KIAA0319: variants seen among roughly 807,000 people sequenced by gnomAD.
KIAA0319 encodes dyslexia-associated protein KIAA0319.
A neutral mutation model predicts 108.4 loss-of-function variants in KIAA0319; 83 were observed. The ratio of observed to expected loss-of-function variants is 0.77; its 90% CI spans 0.64 to 0.92. The LOEUF is 0.92. KIAA0319 is among the 40% of genes least tolerant of loss of function. The probability of loss-of-function intolerance (pLI) is 0.00; values close to 1 mark genes in which losing one functional copy is unlikely to be tolerated. For synonymous variants in KIAA0319, 484 were observed against 510.4 expected, an observed-to-expected ratio of 0.95 and a Z score of 0.70; for missense variants, 1,195 against 1,322.4, an observed-to-expected ratio of 0.90 and a Z score of 1.49.
chr6:24,548,225 C>T (rs961008360), intron 20 of KIAA0319, among the ~76,000 whole-genome samples: 7 of 152,094 alleles, frequency 4.6e-5, no homozygotes, highest in Non-Finnish European at 7.4e-5. Context: ...AAACCAGGCT[C>T]TTGTCACACT....
At chr6:24,583,930 C>CA (rs1156335692) in intron 4 of KIAA0319, among the ~76,000 whole-genome samples, 1 of 152,102 alleles carries the variant, frequency 6.6e-6, no homozygotes, top group African/African-American at 2.4e-5. Flanking sequence ...GGCACTGTGA[C>CA]AAAAATAATG....
chr6:24,579,468 T>TATATATCTTATATATCTC (rs1371096768), intron 8 of KIAA0319, among the ~76,000 whole-genome samples: 1 of 146,280 alleles, frequency 6.8e-6, no homozygotes, highest in East Asian at 2.0e-4. Context: ...ATATCTCATA[T>TATATATCTTATATATCTC]ATATATCTTA....
intron 16 of KIAA0319, among the ~76,000 whole-genome samples, chr6:24,561,550 C>T (rs1188007689): frequency 1.3e-5 from 2 of 152,018 alleles, no homozygotes; most frequent in Admixed American, 1.3e-4. Flanking sequence ...ATAATCCTCC[C>T]CCACCCACAT....
At chr6:24,587,562 G>A (rs536062964) in intron 4 of KIAA0319, among the ~76,000 whole-genome samples, 6 of 152,008 alleles carry the variant, frequency 3.9e-5, no homozygotes, top group South Asian at 2.1e-4. Flanking sequence ...TTACAGGCGT[G>A]AGCCACCGTG....
chr6:24,582,626 C>T (rs865867004), intron 5 of KIAA0319, among the ~76,000 whole-genome samples: 1 of 147,196 alleles, frequency 6.8e-6, no homozygotes, highest in African/African-American at 2.5e-5. Flanking sequence ...TAAAAACATA[C>T]GTCTTACAGG....
intron 1 of KIAA0319, among the ~76,000 whole-genome samples, chr6:24,604,871 G>A (rs186752635): frequency 1.5e-3 from 226 of 152,028 alleles, no homozygotes; most frequent in Non-Finnish European, 2.3e-3. Context: ...ACAGAGTTTC[G>A]CTCTTGTCAC....
chr6:24,568,835 T>C lies in KIAA0319; in HGVS notation c.2086A>G (p.Lys696Glu). 1 of 1,614,206 alleles carries C rather than the reference T, an allele frequency of 6.2e-7. No homozygotes were observed. The highest frequency in any genetic ancestry group is 8.5e-7 in the Non-Finnish European group (1 of 1,180,028). The change falls in exon 13 of 21, where the codon AAA (lysine) becomes GAA (glutamate). Residue 696 changes from lysine to glutamate, a missense_variant. By Grantham distance (56) the Lys-to-Glu change is moderately conservative. Coordinates refer to ENST00000378214, the MANE Select transcript of KIAA0319 (RefSeq NM_014809.4). The part of the protein sequence containing the change: ...VGTYHFRLTV[K>E]DQQGLSSTST... ...GTGCTGCTCAGTCCCTGCTGGTCTT[T>C]CACTGTCAAACGGAAGTGGTAGGTC...
intron 1 of KIAA0319, among the ~76,000 whole-genome samples, chr6:24,607,131 G>A (rs1032760074): frequency 6.6e-6 from 1 of 152,236 alleles, no homozygotes; most frequent in African/African-American, 2.4e-5. Context: ...CGAGGCAGGT[G>A]GATCACCTGA....
At chr6:24,612,292 A>C (rs1772447186) in intron 1 of KIAA0319, among the ~76,000 whole-genome samples, 1 of 151,882 alleles carries the variant, frequency 6.6e-6, no homozygotes, top group African/African-American at 2.4e-5. Flanking sequence ...TCTCCACAAA[A>C]AATAAAAGAA....
At chr6:24,574,924 T>C (rs1187159765) in intron 10 of KIAA0319, among the ~76,000 whole-genome samples, 2 of 152,246 alleles carry the variant, frequency 1.3e-5, no homozygotes, top group Non-Finnish European at 2.9e-5. Context: ...AGAATGCTTC[T>C]GCACACAATG....
At chr6:24,573,885 G>A (rs1190991295) in intron 10 of KIAA0319, among the ~76,000 whole-genome samples, 3 of 152,048 alleles carry the variant, frequency 2.0e-5, no homozygotes, top group African/African-American at 4.8e-5. Flanking sequence ...GGGAGGCTAC[G>A]GCGGGTGGAT....
chr6:24,595,668 T>C (rs1168496091), intron 3 of KIAA0319, among the ~76,000 whole-genome samples: 1 of 150,624 alleles, frequency 6.6e-6, no homozygotes, highest in Non-Finnish European at 1.5e-5. Flanking sequence ...CATGGAGGCA[T>C]AGCAAAGGAA....
chr6:24,587,224 GC>G (rs1274615950), intron 4 of KIAA0319, among the ~76,000 whole-genome samples: 1 of 151,772 alleles, frequency 6.6e-6, no homozygotes, highest in East Asian at 1.9e-4. Context: ...ATTCACCATA[GC>G]CTTTTCATGG....
chr6:24,644,252 G>C (rs1777326922), intron 1 of KIAA0319, among the ~76,000 whole-genome samples: 1 of 152,082 alleles, frequency 6.6e-6, no homozygotes, highest in African/African-American at 2.4e-5. Flanking sequence ...GGAGAGGGGG[G>C]GGTTCCCACT....
intron 19 of KIAA0319, among the ~76,000 whole-genome samples, chr6:24,553,300 C>T (rs397834298): frequency 0.36 from 32,159 of 88,636 alleles, 4,905 homozygotes; most frequent in Non-Finnish European, 0.44. Context: ...TATATACACA[C>T]ACACACACAC....
chr6:24,598,519 G>A (rs186817477), intron 2 of KIAA0319: 17 of 454,108 alleles, frequency 3.7e-5, no homozygotes, highest in Admixed American at 3.6e-4. Context: ...GCTGGAGGCC[G>A]AGTTTGGCAA....
intron 6 of KIAA0319, among the ~76,000 whole-genome samples, chr6:24,581,488 G>A (rs984828534): frequency 1.3e-5 from 2 of 152,072 alleles, no homozygotes; most frequent in East Asian, 1.9e-4. Context: ...TCGCTAAGTC[G>A]GTTTATATAT....
rs776492962 is a variant in KIAA0319 at position 24,568,877 on chromosome 6, TCA to T, written c.2042_2043del (p.Val681AspfsTer35). The T allele has an allele frequency of 6.2e-7, 1 of 1,614,126 alleles. No individual in the cohort carries two copies. The highest frequency in any genetic ancestry group is 8.5e-7 in the Non-Finnish European group (1 of 1,179,934). ...MENIDKAIAT[V>X]TGLQVGTYHF... The stretch of plus-strand genomic sequence containing the variant: ...TGGTAGGTCCCCACCTGGAGACCAG[TCA>T]CAGTGGCTATTGCTTTGTCAATATT... On this transcript the variant is annotated frameshift_variant, in exon 13 of 21. Coordinates refer to ENST00000378214, the MANE Select transcript of KIAA0319 (RefSeq NM_014809.4). LOFTEE classifies it high-confidence loss of function.
intron 16 of KIAA0319, 53 bp from the exon 17 acceptor site, chr6:24,559,208 ATGACACGCC>A (rs1762753173): frequency 6.3e-7 from 1 of 1,584,554 alleles, no homozygotes; most frequent in African/African-American, 1.3e-5. Context: ...GGTGACTACC[ATGACACGCC>A]CACCACAGCA....
Sources: gnomAD v4.1 joint callset for allele counts (sites outside exome capture counted in the v4.1 genomes callset) on GRCh38, gnomAD v4.1.1 for gene constraint, MANE v1.5 for transcripts, NCBI Gene and HGNC (gene_info 2026-07-23, HGNC 2026-07-21) for gene names.